The following ADCY7 variants were observed in gnomAD, a reference collection of about 807,000 sequenced individuals.
The protein encoded by ADCY7 is adenylate cyclase type 7.
In ADCY7, 72 loss-of-function variants were observed where a neutral mutation model predicts 120.6. That is an observed-to-expected ratio of 0.60 (90% CI 0.49 to 0.73). The LOEUF is 0.73. ADCY7 is among the 30% of genes least tolerant of loss of function. The pLI is 0.00. For synonymous variants in ADCY7, 661 were observed against 628.0 expected (o/e 1.05, Z -0.78); for missense variants, 1,227 against 1,486.0 (o/e 0.83, Z 2.87).
intron 18 of ADCY7, among the ~76,000 whole-genome samples, chr16:50,310,159 G>A (rs2036356006): frequency 6.6e-6 from 1 of 152,230 alleles, no homozygotes; most frequent in Admixed American, 6.5e-5. Flanking sequence ...GGACAGCATG[G>A]GAAAAAGCCG....
chr16:50,277,091 C>T (rs2033943075), intron 1 of ADCY7, among the ~76,000 whole-genome samples: 1 of 152,086 alleles, frequency 6.6e-6, no homozygotes, highest in African/African-American at 2.4e-5. Context: ...CAGGCATTGC[C>T]ATGTGGATTT....
chr16:50,310,431 A>T (rs2036378736), intron 18 of ADCY7: 1 of 1,534,236 alleles, frequency 6.5e-7, no homozygotes, highest in Non-Finnish European at 8.7e-7. Context: ...CTTGACCTTG[A>T]CTGTGGTCTG....
chr16:50,282,079 A>C (rs1039380591), intron 1 of ADCY7, among the ~76,000 whole-genome samples: 1 of 152,092 alleles, frequency 6.6e-6, no homozygotes, highest in South Asian at 2.1e-4. Context: ...CCTCACTCCA[A>C]GGTCCCCACT....
intron 1 of ADCY7, among the ~76,000 whole-genome samples, chr16:50,269,485 G>C (rs2033424961): frequency 6.6e-6 from 1 of 152,242 alleles, no homozygotes; most frequent in Non-Finnish European, 1.5e-5. Context: ...CCCACTGCGG[G>C]AGAGAAGAGG....
In ADCY7 at chr16:50,315,590, A is replaced by C; in HGVS notation, c.*85A>C. The stretch of plus-strand genomic sequence containing the variant: ...AGGAGAAGACTCTCCGCCCCACGCC[A>C]ATCCCAAAGGCATGCAGATGGCTGT... On this transcript the variant is annotated 3_prime_UTR_variant, in exon 26 of 26. Coordinates refer to ENST00000673801, the MANE Select transcript of ADCY7 (RefSeq NM_001114.5). The C allele has an allele frequency of 6.5e-7, 1 of 1,529,052 alleles. No individual in the cohort carries two copies. Among genetic ancestry groups the C allele is most frequent in the Non-Finnish European group, 8.9e-7 (1 of 1,123,092 alleles). The allele number at this position is 1,529,052 out of a possible 1,614,324, so 94.7% of individuals were successfully genotyped here.
chr16:50,314,919 A>C lies in ADCY7; in HGVS notation c.2972-95A>C, dbSNP rs1450311259. On this transcript the variant is annotated intron_variant, in intron 24 of 25. Transcript: ENST00000673801. The stretch of plus-strand genomic sequence containing the variant: ...TTCACTCTAGTTGTTTTGTCCCCGC[A>C]TCCTGTGCTGGGGTATGGATTCTCT... 6.6e-6 allele frequency: 10 copies of C among 1,520,314 alleles called. No individual in the cohort carries two copies. In the African/African-American group the frequency reaches 1.4e-4, roughly 21 times the overall value. 94.2% of individuals were successfully genotyped at this position (1,520,314 alleles called of 1,614,324 possible). A position where few individuals can be genotyped will look rare whatever the true frequency, so the allele number is the denominator to read the frequency against.
chr16:50,311,847 G>GGA, intron 20 of ADCY7, 61 bp downstream of exon 20: 1 of 1,368,950 alleles, frequency 7.3e-7, no homozygotes, highest in Non-Finnish European at 1.0e-6. Context: ...ACCTCCATCT[G>GGA]GAGATGGGGT....
intron 14 of ADCY7, 52 bp downstream of exon 14, chr16:50,305,901 G>A (rs764857253): frequency 3.2e-5 from 51 of 1,569,960 alleles, no homozygotes; most frequent in Non-Finnish European, 4.4e-5. Flanking sequence ...TCCAGGCCTG[G>A]GGTAGGGTGG....
Position 50,288,163 on chromosome 16 carries a change from C to A in ADCY7, c.-17C>A, listed in dbSNP as rs557064062. The A allele has an allele frequency of 9.8e-6, 15 of 1,537,526 alleles. No homozygotes were observed. In the African/African-American group the frequency reaches 1.9e-4, roughly 20 times the overall value. On this transcript the variant is annotated 5_prime_UTR_variant, in exon 2 of 26. Transcript: ENST00000673801. ...TCCTTAACGGCCCCTTAACGACACG[C>A]GTGCCAAGGGTGGAGGATGCCAGCC...
intron 17 of ADCY7, chr16:50,309,307 T>C: frequency 1.9e-5 from 9 of 480,934 alleles, no homozygotes; most frequent in South Asian, 6.3e-5. Flanking sequence ...TCCCGGCCCC[T>C]CCCCCTGGCT....
At chr16:50,311,275 G>C (rs1360998445) in intron 19 of ADCY7, among the ~76,000 whole-genome samples, 2 of 152,120 alleles carry the variant, frequency 1.3e-5, no homozygotes, top group African/African-American at 4.8e-5. Context: ...GGTCCCAAGT[G>C]GATTAAGGAG....
intron 2 of ADCY7, among the ~76,000 whole-genome samples, chr16:50,289,616 C>G (rs912157160): frequency 1.3e-5 from 2 of 152,246 alleles, no homozygotes; most frequent in East Asian, 1.9e-4. Flanking sequence ...CAGGCCCATG[C>G]CACCACGCCT....
At chr16:50,260,133 G>A (rs571977598) in intron 1 of ADCY7, among the ~76,000 whole-genome samples, 5 of 152,370 alleles carry the variant, frequency 3.3e-5, no homozygotes, top group African/African-American at 1.2e-4. Flanking sequence ...CGTAGGGTGA[G>A]CAGGAGGGGA....
rs1312066095 is a variant in ADCY7, at chr16:50,316,658, G to GT, written c.*1154dup. 2.0e-5 allele frequency: 3 copies of GT among 152,374 alleles called. No individual in the cohort carries two copies. Among genetic ancestry groups the GT allele is most frequent in the Admixed American group, 2.0e-4 (3 of 15,280 alleles). 9.4% of individuals were successfully genotyped at this position (152,374 alleles called of 1,614,324 possible). A position where few individuals can be genotyped will look rare whatever the true frequency, so the allele number is the denominator to read the frequency against. On this transcript the variant is annotated 3_prime_UTR_variant, in exon 26 of 26. Coordinates refer to ENST00000673801, the MANE Select transcript of ADCY7 (RefSeq NM_001114.5). The stretch of plus-strand genomic sequence containing the variant: ...TGAGCCGTTCTTGCTCTGAAACTGC[G>GT]TGAGTCAAGGCAAATGCAAAAAGCC...
rs755335071 is a variant in ADCY7, at chr16:50,277,668, G to GTTTTT, written c.-268-10228_-268-10224dup. Reference sequence around the variant, plus strand: ...CCATTGTGCCTGGCTACCATGGTAGGTTTTTTTTTTTTTTTTTTTTGAGGC... The same window carrying GTTTTT: ...CCATTGTGCCTGGCTACCATGGTAGGTTTTTTTTTTTTTTTTTTTTTTTTTGAGGC... On this transcript the variant is annotated intron_variant, in intron 1 of 25. Coordinates refer to ENST00000673801, the MANE Select transcript of ADCY7 (RefSeq NM_001114.5). Among the ~76,000 whole-genome samples, 207 of 114,948 alleles carry GTTTTT rather than the reference G, an allele frequency of 1.8e-3. 1 individual carries two copies. The highest frequency in any genetic ancestry group is 6.3e-3 in the African/African-American group (197 of 31,060). The allele number at this position is 114,948 out of a possible 152,430, so 75.4% of individuals were successfully genotyped here.
chr16:50,288,290 G>T lies in ADCY7; in HGVS notation c.111G>T (p.Thr37=), dbSNP rs1028742584. 6.4e-7 allele frequency: 1 copy of T among 1,550,882 alleles called. No homozygotes were observed. The highest frequency in any genetic ancestry group is 8.7e-7 in the Non-Finnish European group (1 of 1,146,846). ...LTSQHGPLLL[T]LLLVAATACV... ...GCCAGCATGGGCCGCTGCTGCTCAC[G>T]CTCCTGCTGGTGGCCGCCACTGCCT... is the stretch of plus-strand genomic sequence containing the variant. The change falls in exon 2 of 26, where the codon ACG becomes ACT. Residue 37 remains threonine (T), a synonymous_variant. Transcript: ENST00000673801.
At chr16:50,292,646 A>G (rs769077192) in intron 4 of ADCY7, 30 bp from the exon 5 acceptor site, 3 of 1,610,864 alleles carry the variant, frequency 1.9e-6, no homozygotes, top group Non-Finnish European at 1.7e-6. Flanking sequence ...GCCAGGCCAC[A>G]TAATGAGCCA....
intron 17 of ADCY7, chr16:50,309,184 C>T (rs1374124336): frequency 2.8e-5 from 9 of 318,394 alleles, no homozygotes; most frequent in African/African-American, 4.3e-5. Context: ...TCCCAGACCC[C>T]GCATCCTGGG....
At chr16:50,301,899 C>G (rs2035746369) in intron 10 of ADCY7, 1 of 152,944 alleles carries the variant, frequency 6.5e-6, no homozygotes, top group African/African-American at 2.4e-5. Flanking sequence ...GGCCCGACTG[C>G]CAGACCCTGG....
Sources: allele counts gnomAD v4.1 joint callset (sites outside exome capture counted in the v4.1 genomes callset), GRCh38; gene constraint gnomAD v4.1.1; transcripts MANE v1.5; gene names NCBI Gene and HGNC (gene_info 2026-07-23, HGNC 2026-07-21).